Variants in CNTNAP5 observed in about 807,000 individuals in gnomAD.
CNTNAP5 encodes contactin-associated protein-like 5.
A neutral mutation model predicts 150.2 loss-of-function variants in CNTNAP5; 72 were observed. The ratio of observed to expected loss-of-function variants is 0.48; its 90% CI spans 0.40 to 0.58. CNTNAP5 has a LOEUF of 0.58. Ranked by LOEUF, CNTNAP5 falls within the 20% of genes least tolerant of loss-of-function variation. The probability of loss-of-function intolerance (pLI) is 0.00; values close to 1 mark genes in which losing one functional copy is unlikely to be tolerated. For synonymous variants in CNTNAP5, 672 were observed against 619.8 expected (o/e 1.08, Z -1.25); for missense variants, 1,636 against 1,626.2 (o/e 1.01, Z -0.10).
intron 16 of CNTNAP5, among the ~76,000 whole-genome samples, chr2:124,765,040 T>G (rs1681040683): frequency 6.6e-6 from 1 of 152,076 alleles, no homozygotes; most frequent in Admixed American, 6.6e-5. Context: ...ATTGAGAAAA[T>G]AATACTTTCT....
At chr2:124,226,314 C>G (rs933117696) in intron 2 of CNTNAP5, among the ~76,000 whole-genome samples, 5 of 152,012 alleles carry the variant, frequency 3.3e-5, no homozygotes, top group Non-Finnish European at 5.9e-5. Context: ...TGTGAGGTGA[C>G]GTCTCATTGT....
At chr2:124,911,045 A>C (rs1678643599) in intron 22 of CNTNAP5, among the ~76,000 whole-genome samples, 1 of 151,808 alleles carries the variant, frequency 6.6e-6, no homozygotes, top group South Asian at 2.1e-4. Flanking sequence ...TGAAGGTGTT[A>C]ATTCTCCAGC....
At chr2:124,335,628 G>A (rs1689450132) in intron 3 of CNTNAP5, among the ~76,000 whole-genome samples, 1 of 150,234 alleles carries the variant, frequency 6.7e-6, no homozygotes, top group Non-Finnish European at 1.5e-5. Flanking sequence ...CCATACAAAT[G>A]TTTTTCTCCT....
intron 3 of CNTNAP5, among the ~76,000 whole-genome samples, chr2:124,323,297 T>TG (rs1689142233): frequency 6.6e-6 from 1 of 152,182 alleles, no homozygotes; most frequent in South Asian, 2.1e-4. Flanking sequence ...TCCAGTTGCC[T>TG]GACTTGATCC....
At chr2:124,301,819 C>T (rs1241876193) in intron 3 of CNTNAP5, among the ~76,000 whole-genome samples, 2 of 152,168 alleles carry the variant, frequency 1.3e-5, no homozygotes, top group South Asian at 2.1e-4. Flanking sequence ...AGGACACTCA[C>T]CACAGGTGAC....
chr2:124,034,193 A>G (rs1199521638), intron 1 of CNTNAP5, among the ~76,000 whole-genome samples: 6 of 152,214 alleles, frequency 3.9e-5, no homozygotes, highest in Non-Finnish European at 1.5e-5. Context: ...TGTTCTGTGT[A>G]TACTAACATG....
intron 10 of CNTNAP5, among the ~76,000 whole-genome samples, chr2:124,561,298 T>A (rs2104928816): frequency 6.6e-6 from 1 of 152,154 alleles, no homozygotes; most frequent in Non-Finnish European, 1.5e-5. Flanking sequence ...TTCAAAACAG[T>A]GCTAGCCCCC....
At chr2:124,106,531 C>G (rs1408327726) in intron 1 of CNTNAP5, among the ~76,000 whole-genome samples, 2 of 152,156 alleles carry the variant, frequency 1.3e-5, no homozygotes, top group Non-Finnish European at 2.9e-5. Context: ...TGGAAAGCAT[C>G]TGTGTCAGTG....
chr2:124,766,078 C>T (rs1388685095), intron 16 of CNTNAP5, among the ~76,000 whole-genome samples: 1 of 152,138 alleles, frequency 6.6e-6, no homozygotes, highest in Non-Finnish European at 1.5e-5. Flanking sequence ...CTTAGAATTA[C>T]TTGTGTATGG....
At chr2:124,787,042 C>T (rs1450185626) in intron 17 of CNTNAP5, among the ~76,000 whole-genome samples, 2 of 152,022 alleles carry the variant, frequency 1.3e-5, no homozygotes, top group Non-Finnish European at 2.9e-5. Flanking sequence ...AGTCTCAAAC[C>T]TTAAGGAGTG....
rs574940421 is a variant in CNTNAP5, at chr2:124,914,272, G to A, written c.3908G>A (p.Arg1303Gln). 1.1e-5 allele frequency: 17 copies of A among 1,610,776 alleles called. No homozygotes were observed. Among genetic ancestry groups the A allele is most frequent in the East Asian group, 9.0e-5 (4 of 44,664 alleles). ...CAAAACACAGTGAGCGAGTGTAAAC[G>A]GGAATATTTCATCTGAGAAACTGCA... Reference protein sequence around the residue: ...DLQNTVSECKREYFI With the variant: ...DLQNTVSECKQEYFI The change falls in exon 24 of 24, where the codon CGG becomes CAG. Residue 1303 changes from arginine to glutamine, a missense_variant. Arg to Gln is a conservative substitution (Grantham distance 43, BLOSUM62 1). Transcript: ENST00000682447.
intron 3 of CNTNAP5, among the ~76,000 whole-genome samples, chr2:124,305,655 T>G (rs1250049482): frequency 5.9e-5 from 9 of 152,158 alleles, no homozygotes. Flanking sequence ...TTACTGTTAT[T>G]TCAAGTGTGA....
chr2:124,578,156 CAAAAAAAAAAA>C (rs556786620), intron 11 of CNTNAP5, among the ~76,000 whole-genome samples: 1 of 69,496 alleles, frequency 1.4e-5, no homozygotes, highest in African/African-American at 5.5e-5. Context: ...ACTAAAAATA[CAAAAAAAAAAA>C]AAAAAAAAAA....
chr2:124,147,261 T>C (rs1684276969), intron 1 of CNTNAP5, among the ~76,000 whole-genome samples: 1 of 152,198 alleles, frequency 6.6e-6, no homozygotes, highest in Non-Finnish European at 1.5e-5. Flanking sequence ...TTTTCAGTTT[T>C]TTTTCAAAAT....
intron 19 of CNTNAP5, among the ~76,000 whole-genome samples, chr2:124,821,696 A>G (rs181785504): frequency 1.3e-5 from 2 of 152,292 alleles, no homozygotes. Flanking sequence ...AGGAGAGGCT[A>G]TAGCAGCCCC....
intron 1 of CNTNAP5, among the ~76,000 whole-genome samples, chr2:124,135,591 T>C (rs181441786): frequency 5.1e-4 from 78 of 152,362 alleles, no homozygotes; most frequent in African/African-American, 1.8e-3. Context: ...TGTATCCCTC[T>C]GACACTGCAA....
chr2:124,617,363 T>C (rs1012656920), intron 12 of CNTNAP5, among the ~76,000 whole-genome samples: 1 of 152,178 alleles, frequency 6.6e-6, no homozygotes, highest in Admixed American at 6.5e-5. Flanking sequence ...AGTGCCACAC[T>C]TCCTGTTAAA....
intron 2 of CNTNAP5, among the ~76,000 whole-genome samples, chr2:124,228,234 C>T (rs1177684051): frequency 6.6e-6 from 1 of 152,036 alleles, no homozygotes; most frequent in Admixed American, 6.6e-5. Context: ...ATATTCCAGC[C>T]CCAGGAGAGA....
chr2:124,159,224 G>T (rs1234171149), intron 1 of CNTNAP5, among the ~76,000 whole-genome samples: 1 of 152,142 alleles, frequency 6.6e-6, no homozygotes, highest in African/African-American at 2.4e-5. Context: ...TTTTTTAAAA[G>T]GTTTAGGTGA....
Sources: allele counts gnomAD v4.1 joint callset (sites outside exome capture counted in the v4.1 genomes callset), GRCh38; gene constraint gnomAD v4.1.1; transcripts MANE v1.5; gene names NCBI Gene and HGNC (gene_info 2026-07-23, HGNC 2026-07-21).